FAM120C: variants seen among roughly 807,000 people sequenced by gnomAD.
FAM120C encodes the protein constitutive coactivator of PPAR-gamma-like protein 2.
A neutral mutation model predicts 71.2 loss-of-function variants in FAM120C; 14 were observed. The observed-to-expected ratio is 0.20, with a 90% CI of 0.13 to 0.31. The LOEUF is 0.31. FAM120C is among the 10% of genes least tolerant of loss of function. FAM120C has a pLI of 1.00. For missense variants in FAM120C, 500 were observed against 879.0 expected (o/e 0.57, Z 5.45); for synonymous variants, 354 against 353.2 (o/e 1.00, Z -0.03).
chrX:54,168,756 A>C lies in FAM120C; in HGVS notation c.700-9140T>G, dbSNP rs781853169. On this transcript the variant is annotated intron_variant, in intron 1 of 15. Transcript: ENST00000375180. Reference sequence around the variant, plus strand: ...GGAGACACAGCAGTAACAAGAGCCAAGAGTCTTTGACCTCATGGAACTAAC... The same window carrying C: ...GGAGACACAGCAGTAACAAGAGCCACGAGTCTTTGACCTCATGGAACTAAC... Among the ~76,000 whole-genome samples the C allele has an allele frequency of 6.3e-4, 71 of 112,066 alleles. 1 individual carries two copies. Among genetic ancestry groups the C allele is most frequent in the African/African-American group, 2.3e-3 (70 of 30,864 alleles).
At chrX:54,153,137 T>A (rs1557133222) in intron 3 of FAM120C, among the ~76,000 whole-genome samples, 4 of 111,893 alleles carry the variant, frequency 3.6e-5, no homozygotes, top group African/African-American at 1.3e-4. Flanking sequence ...TGCTAATTGT[T>A]TTCTAAACAA....
rs72620340 is a variant in FAM120C at position 54,136,381 on chromosome X, T to G, written c.1258+110A>C. The G allele has an allele frequency of 5.1e-5, 27 of 526,584 alleles. No homozygotes were observed. The East Asian group carries it at 6.7e-4, about 13-fold the overall frequency. The allele number at this position is 526,584 out of a possible 1,213,427, so 43.4% of individuals were successfully genotyped here. A position where few individuals can be genotyped will look rare whatever the true frequency, so the allele number is the denominator to read the frequency against. ...CCAAACAGGGATGAGGAATGACTTGTAGGAGGATATAACACGAATGAGTGA... is the reference window on the plus strand; with the variant it reads ...CCAAACAGGGATGAGGAATGACTTGGAGGAGGATATAACACGAATGAGTGA... On this transcript the variant is annotated intron_variant, in intron 5 of 15. Coordinates refer to ENST00000375180, the MANE Select transcript of FAM120C (RefSeq NM_017848.6).
intron 9 of FAM120C, among the ~76,000 whole-genome samples, chrX:54,131,748 TTTTC>T (rs1291396219): frequency 2.2e-3 from 230 of 106,911 alleles, no homozygotes; most frequent in Non-Finnish European, 2.9e-3. Flanking sequence ...TGTTTTTCTT[TTTTC>T]TTTCTTTCTT....
intron 3 of FAM120C, among the ~76,000 whole-genome samples, chrX:54,154,534 G>A (rs1336252635): frequency 1.6e-4 from 17 of 104,666 alleles, no homozygotes; most frequent in African/African-American, 6.0e-4. Context: ...TTGAATCCAG[G>A]AGGTGGAGAC....
chrX:54,148,280 T>A lies in FAM120C; in HGVS notation c.1158+2965A>T, dbSNP rs782570003. Among the ~76,000 whole-genome samples the A allele has an allele frequency of 8.4e-3, 889 of 105,717 alleles. 3 individuals are homozygous for A. Among genetic ancestry groups the A allele is most frequent in the Middle Eastern group, 0.023 (5 of 215 alleles). 91.8% of individuals were successfully genotyped at this position (105,717 alleles called of 115,157 possible). A position where few individuals can be genotyped will look rare whatever the true frequency, so the allele number is the denominator to read the frequency against. ...AGTAAGTAAATGAACAAACCAATTTTAAAAAAAAAAGGAAAAGACTGTTCA... is the reference window on the plus strand; with the variant it reads ...AGTAAGTAAATGAACAAACCAATTTAAAAAAAAAAAGGAAAAGACTGTTCA... On this transcript the variant is annotated intron_variant, in intron 4 of 15. Transcript: ENST00000375180.
At chrX:54,159,333 C>G (rs781942056) in intron 2 of FAM120C, 37 bp downstream of exon 2, 1 of 1,206,653 alleles carries the variant, frequency 8.3e-7, no homozygotes, top group Non-Finnish European at 1.1e-6. Flanking sequence ...GAAGAGGAAA[C>G]TACCAATCAC....
chrX:54,088,105 CT>C, intron 11 of FAM120C, 141 bp from the exon 12 acceptor site: 1 of 495,664 alleles, frequency 2.0e-6, no homozygotes, highest in South Asian at 3.4e-5. Context: ...GCATAAGCAG[CT>C]TCTATCCATG....
chrX:54,135,480 A>G (rs1569532832), intron 6 of FAM120C, 48 bp downstream of exon 6: 9 of 1,100,074 alleles, frequency 8.2e-6, no homozygotes, highest in Non-Finnish European at 1.1e-5. Flanking sequence ...AAAAATCAGG[A>G]AGCAACCTGA....
At chrX:54,099,189 A>AT (rs782558564) in intron 10 of FAM120C, among the ~76,000 whole-genome samples, 10 of 108,407 alleles carry the variant, frequency 9.2e-5, no homozygotes, top group South Asian at 4.1e-4. Context: ...CTTTTTAAAG[A>AT]TTTTTTTGTA....
At chrX:54,164,953 C>T (rs1464948802) in intron 1 of FAM120C, among the ~76,000 whole-genome samples, 1 of 111,538 alleles carries the variant, frequency 9.0e-6, no homozygotes, top group African/African-American at 3.3e-5. Context: ...AGTAGCCATC[C>T]TAATGAGTGT....
chrX:54,146,414 C>G (rs1382905060), intron 4 of FAM120C, among the ~76,000 whole-genome samples: 3 of 112,229 alleles, frequency 2.7e-5, no homozygotes, highest in East Asian at 2.8e-4. Context: ...GGTGCAGTGG[C>G]TCATGCCTGT....
intron 1 of FAM120C, among the ~76,000 whole-genome samples, chrX:54,170,379 C>T (rs1408340984): frequency 1.8e-5 from 2 of 111,258 alleles, no homozygotes; most frequent in Non-Finnish European, 3.8e-5. Flanking sequence ...GTGATCCATC[C>T]GCCTTGGCCT....
rs781876045 is a variant in FAM120C at position 54,137,702 on chromosome X, G to GA, written c.1159-1113dup. Among the ~76,000 whole-genome samples, 306 of 111,424 alleles carry GA rather than the reference G, an allele frequency of 2.7e-3. 2 individuals are homozygous for GA. The highest frequency in any genetic ancestry group is 4.8e-3 in the South Asian group (13 of 2,696). On this transcript the variant is annotated intron_variant, in intron 4 of 15. Coordinates refer to ENST00000375180, the MANE Select transcript of FAM120C (RefSeq NM_017848.6). ...ATGAAATTATTGGTTCAAAAGGTAT[G>GA]AACATTAAAACCAAAGGCACTTAAA...
chrX:54,111,137 C>G (rs2066935301), intron 10 of FAM120C, among the ~76,000 whole-genome samples: 1 of 110,460 alleles, frequency 9.1e-6, no homozygotes, highest in South Asian at 3.8e-4. Context: ...GGGAGGATCA[C>G]TTGAGCTCAG....
intron 15 of FAM120C, among the ~76,000 whole-genome samples, chrX:54,073,888 C>T (rs1253050928): frequency 2.7e-5 from 3 of 110,916 alleles, no homozygotes; most frequent in Admixed American, 9.7e-5. Flanking sequence ...TGGAGTGCTG[C>T]GATCCTGGCT....
intron 10 of FAM120C, among the ~76,000 whole-genome samples, chrX:54,113,831 G>A (rs1557126151): frequency 9.0e-6 from 1 of 110,586 alleles, no homozygotes; most frequent in East Asian, 2.8e-4. Context: ...CAGGAGAACT[G>A]CTTGAACCTG....
intron 10 of FAM120C, among the ~76,000 whole-genome samples, chrX:54,109,500 A>C (rs2066923846): frequency 9.2e-6 from 1 of 108,950 alleles, no homozygotes; most frequent in South Asian, 4.1e-4. Flanking sequence ...CTGTAGTCTC[A>C]GCTACTTGGG....
chrX:54,079,670 G>A (rs1569531409), intron 15 of FAM120C, among the ~76,000 whole-genome samples: 1 of 110,546 alleles, frequency 9.0e-6, no homozygotes, highest in Non-Finnish European at 1.9e-5. Flanking sequence ...GGTGGTGCAT[G>A]CCTATAATCC....
rs1197306063 is a variant in FAM120C at position 54,068,779 on chromosome X, CAGAAT to C, written c.*4249_*4253del. 13 of 94,049 alleles carry C rather than the reference CAGAAT, an allele frequency of 1.4e-4. No homozygotes were observed. The South Asian group carries it at 1.5e-3, about 11-fold the overall frequency. 7.8% of individuals were successfully genotyped at this position (94,049 alleles called of 1,213,427 possible). On this transcript the variant is annotated 3_prime_UTR_variant, in exon 16 of 16. Coordinates refer to ENST00000375180, the MANE Select transcript of FAM120C (RefSeq NM_017848.6). ...GTGTTATTCTAAAAACAGAATAGAA[CAGAAT>C]AGAACAGAATAGAATAGAATAGAAT...
Sources: allele counts gnomAD v4.1 joint callset (sites outside exome capture counted in the v4.1 genomes callset), GRCh38; gene constraint gnomAD v4.1.1; transcripts MANE v1.5; gene names NCBI Gene and HGNC (gene_info 2026-07-23, HGNC 2026-07-21).